EML4: variants seen among roughly 807,000 people sequenced by gnomAD.
The protein encoded by EML4 is echinoderm microtubule-associated protein-like 4.
EML4 carries 72 observed loss-of-function variants against 129.0 expected under a neutral mutation model. The ratio of observed to expected loss-of-function variants is 0.56; its 90% CI spans 0.46 to 0.68. EML4 has a LOEUF of 0.68. Among genes scored for constraint, EML4 ranks in the 30% least tolerant of loss-of-function variants. The pLI is 0.00. For missense variants in EML4, 1,363 were observed against 1,190.6 expected, an observed-to-expected ratio of 1.14 and a Z score of -2.13; for synonymous variants, 532 against 405.0, an observed-to-expected ratio of 1.31 and a Z score of -3.77.
intron 5 of EML4, 90 bp downstream of exon 5, chr2:42,263,396 ATCTTTTTT>A: frequency 2.2e-6 from 1 of 449,372 alleles, no homozygotes; most frequent in Non-Finnish European, 3.5e-6. Context: ...TCTGGTTTGA[ATCTTTTTT>A]TTTTTTTTTT....
Position 42,326,143 on chromosome 2 carries a change from T to C in EML4, c.2243-11T>C, listed in dbSNP as rs1227376374. ...GCACTATGATTATACTTCCTGTTTCTAAATTTAAAGGGGACATTCCAAATG... is the reference window on the plus strand; with the variant it reads ...GCACTATGATTATACTTCCTGTTTCCAAATTTAAAGGGGACATTCCAAATG... On this transcript the variant is annotated splice_polypyrimidine_tract_variant and intron_variant, in intron 20 of 22. Coordinates refer to ENST00000318522, the MANE Select transcript of EML4 (RefSeq NM_019063.5). 1 of 1,611,640 alleles carries C rather than the reference T, an allele frequency of 6.2e-7. No individual in the cohort carries two copies. Among genetic ancestry groups the C allele is most frequent in the East Asian group, 2.2e-5 (1 of 44,812 alleles).
intron 1 of EML4, among the ~76,000 whole-genome samples, chr2:42,239,398 G>A (rs898343869): frequency 6.6e-6 from 1 of 152,174 alleles, no homozygotes; most frequent in East Asian, 1.9e-4. Flanking sequence ...CTGTGATTCA[G>A]TGTAATAAAA....
At chr2:42,235,391 A>G (rs1371121468) in intron 1 of EML4, among the ~76,000 whole-genome samples, 1 of 151,864 alleles carries the variant, frequency 6.6e-6, no homozygotes, top group Non-Finnish European at 1.5e-5. Flanking sequence ...GCAGCCTGGG[A>G]GGCAGAGGTT....
chr2:42,322,570 T>C (rs1256222705), intron 19 of EML4, among the ~76,000 whole-genome samples: 2 of 152,270 alleles, frequency 1.3e-5, no homozygotes, highest in East Asian at 1.9e-4. Context: ...TTTTTCTTCA[T>C]AGCCATATTC....
At chr2:42,169,689 C>G in intron 1 of EML4, 53 bp downstream of exon 1, 1 of 1,581,484 alleles carries the variant, frequency 6.3e-7, no homozygotes, top group Non-Finnish European at 8.6e-7. Flanking sequence ...GAACTTTTTT[C>G]CTTCCGCACA....
chr2:42,234,353 A>C (rs1295078410), intron 1 of EML4, among the ~76,000 whole-genome samples: 2 of 152,236 alleles, frequency 1.3e-5, no homozygotes, highest in Non-Finnish European at 2.9e-5. Flanking sequence ...ATTCCTACGC[A>C]GACAGAACTG....
Position 42,245,617 on chromosome 2 carries a change from T to C in EML4, c.138T>C (p.Ala46=). 1.2e-6 allele frequency: 2 copies of C among 1,613,826 alleles called. No individual in the cohort carries two copies. Among genetic ancestry groups the C allele is most frequent in the Non-Finnish European group, 1.7e-6 (2 of 1,179,818 alleles). ...TCACTGTGCTAAAGGCGGCTTTGGC[T>C]GATGTTTTGAGGCGTCTTGCAATCT... ...DEITVLKAAL[A]DVLRRLAISE... is the part of the protein sequence containing the mutation. The change falls in exon 2 of 23, where the codon GCT becomes GCC. Residue 46 remains alanine (A), a synonymous_variant. Coordinates refer to ENST00000318522, the MANE Select transcript of EML4 (RefSeq NM_019063.5).
At chr2:42,285,529 A>C (rs886606804) in intron 9 of EML4, among the ~76,000 whole-genome samples, 1 of 151,962 alleles carries the variant, frequency 6.6e-6, no homozygotes, top group Non-Finnish European at 1.5e-5. Context: ...AAGATTAGTA[A>C]TACTAAAAGC....
intron 16 of EML4, among the ~76,000 whole-genome samples, chr2:42,303,912 G>A (rs926149748): frequency 1.1e-4 from 17 of 152,222 alleles, no homozygotes; most frequent in South Asian, 4.1e-4. Context: ...GCAACAGAGC[G>A]AGACTCCGTC....
At position 42,256,569 on chromosome 2, in the gene EML4, C is replaced by G. The variant is rs780048815; in HGVS notation, c.277C>G (p.Pro93Ala). ...CAATGGAAGTGGTGCAAACAGAAAA[C>G]CAAGTCATACCAGTGCTGTCTCAAT... ...ITNGSGANRK[P>A]SHTSAVSIAG... The change falls in exon 3 of 23, where the codon CCA becomes GCA. Residue 93 changes from proline (P) to alanine (A), a missense_variant. Pro to Ala is a conservative substitution (Grantham distance 27). Transcript: ENST00000318522. 6.2e-7 allele frequency: 1 copy of G among 1,613,732 alleles called. No individual in the cohort carries two copies.
chr2:42,170,916 C>T (rs762361843), intron 1 of EML4, among the ~76,000 whole-genome samples: 2 of 152,192 alleles, frequency 1.3e-5, no homozygotes, highest in Non-Finnish European at 2.9e-5. Context: ...AGTCAAAGAG[C>T]AATGGGCCTA....
intron 1 of EML4, among the ~76,000 whole-genome samples, chr2:42,223,487 G>GTT (rs944594564): frequency 1.1e-4 from 17 of 152,214 alleles, no homozygotes; most frequent in African/African-American, 3.6e-4. Context: ...GATTATCTCT[G>GTT]TTTTGTTTGT....
intron 2 of EML4, 116 bp from the exon 3 acceptor site, chr2:42,256,385 A>G: frequency 1.0e-6 from 1 of 963,252 alleles, no homozygotes; most frequent in Non-Finnish European, 1.5e-6. Flanking sequence ...ATAAACAATA[A>G]TATACTTAAT....
chr2:42,266,572 G>A (rs1039465185), intron 6 of EML4, among the ~76,000 whole-genome samples: 1 of 152,050 alleles, frequency 6.6e-6, no homozygotes, highest in Non-Finnish European at 1.5e-5. Flanking sequence ...TCAAACTCCT[G>A]GGCTCAAGCA....
At chr2:42,221,346 C>G (rs1673579842) in intron 1 of EML4, among the ~76,000 whole-genome samples, 1 of 149,666 alleles carries the variant, frequency 6.7e-6, no homozygotes, top group Non-Finnish European at 1.5e-5. Flanking sequence ...CATGTGTATG[C>G]TCTAGAAATG....
At chr2:42,251,728 A>G (rs1245034420) in intron 2 of EML4, among the ~76,000 whole-genome samples, 1 of 152,158 alleles carries the variant, frequency 6.6e-6, no homozygotes, top group African/African-American at 2.4e-5. Context: ...GATAAATAGA[A>G]GATTTGGGAT....
At chr2:42,309,350 C>T (rs891865786) in intron 17 of EML4, among the ~76,000 whole-genome samples, 1 of 149,064 alleles carries the variant, frequency 6.7e-6, no homozygotes, top group Non-Finnish European at 1.5e-5. Context: ...TCAAGGCTAT[C>T]ATAGTGAGCT....
chr2:42,282,296 TTGTC>T (rs1455115180), intron 7 of EML4, among the ~76,000 whole-genome samples: 1 of 151,958 alleles, frequency 6.6e-6, no homozygotes, highest in Admixed American at 6.6e-5. Flanking sequence ...CAATACATAT[TTGTC>T]TGGTAAATGA....
chr2:42,287,736 A>G (rs1667390320), intron 10 of EML4, among the ~76,000 whole-genome samples: 1 of 152,222 alleles, frequency 6.6e-6, no homozygotes, highest in African/African-American at 2.4e-5. Context: ...TATTCAAGTT[A>G]ATGTAAGTCA....
Sources: allele counts gnomAD v4.1 joint callset (sites outside exome capture counted in the v4.1 genomes callset), GRCh38; gene constraint gnomAD v4.1.1; transcripts MANE v1.5; gene names NCBI Gene and HGNC (gene_info 2026-07-23, HGNC 2026-07-21).